Variants in CPT1A observed in about 807,000 individuals in gnomAD.
CPT1A encodes carnitine O-palmitoyltransferase 1, liver isoform.
Under a neutral mutation model 100.8 loss-of-function variants are expected in CPT1A, and 64 were observed. The observed-to-expected ratio is 0.63, with a 90% confidence interval of 0.52 to 0.78. CPT1A has a LOEUF of 0.78. Ranked by LOEUF, CPT1A falls within the 30% of genes least tolerant of loss-of-function variation. The pLI is 0.00. For missense variants in CPT1A, 802 were observed against 1,034.1 expected (o/e 0.78, Z 3.08); for synonymous variants, 363 against 396.0 (o/e 0.92, Z 0.99).
intron 7 of CPT1A, among the ~76,000 whole-genome samples, chr11:68,796,121 C>T (rs1855749679): frequency 6.6e-6 from 1 of 152,114 alleles, no homozygotes; most frequent in Non-Finnish European, 1.5e-5. Flanking sequence ...GATGCACACC[C>T]CTCTGGCGTC....
At chr11:68,803,897 G>T in intron 5 of CPT1A, 103 bp downstream of exon 5, 1 of 898,142 alleles carries the variant, frequency 1.1e-6, no homozygotes. Flanking sequence ...ACCGCTGAAG[G>T]CTACTTGAGC....
At chr11:68,837,037 G>A (rs1197935950) in intron 1 of CPT1A, among the ~76,000 whole-genome samples, 3 of 152,034 alleles carry the variant, frequency 2.0e-5, no homozygotes, top group Non-Finnish European at 2.9e-5. Context: ...TGACAGTTTT[G>A]TCTCTTCTCT....
chr11:68,794,285 G>A (rs1855697274), intron 8 of CPT1A, among the ~76,000 whole-genome samples: 1 of 152,240 alleles, frequency 6.6e-6, no homozygotes, highest in Admixed American at 6.5e-5. Flanking sequence ...GTGGGAGGGA[G>A]AGATGACAAA....
chr11:68,789,901 TA>T (rs916362576), intron 9 of CPT1A, among the ~76,000 whole-genome samples: 1 of 152,220 alleles, frequency 6.6e-6, no homozygotes, highest in African/African-American at 2.4e-5. Flanking sequence ...ATCTACCTTT[TA>T]AAACAGTTTG....
chr11:68,777,802 C>T (rs2153997389), intron 12 of CPT1A, among the ~76,000 whole-genome samples: 1 of 152,322 alleles, frequency 6.6e-6, no homozygotes, highest in South Asian at 2.1e-4. Flanking sequence ...CAAACAACAG[C>T]TCTTAGGCAT....
chr11:68,841,946 C>A (rs1408432778), upstream of CPT1A: 11 of 984,876 alleles, frequency 1.1e-5, no homozygotes, highest in African/African-American at 3.5e-5. The surrounding 1 kb of genome is among the most constrained non-coding windows in gnomAD (Gnocchi z 6.3). Context: ...GCGGCGCCTG[C>A]AGGCGGGTGA....
chr11:68,792,332 C>T (rs1376646884), intron 9 of CPT1A, among the ~76,000 whole-genome samples: 1 of 151,660 alleles, frequency 6.6e-6, no homozygotes, highest in African/African-American at 2.4e-5. Flanking sequence ...GCGAGACTCC[C>T]TCTAAAAAAA....
intron 12 of CPT1A, among the ~76,000 whole-genome samples, chr11:68,778,880 G>C (rs1390795913): frequency 6.6e-6 from 1 of 151,672 alleles, no homozygotes; most frequent in Non-Finnish European, 1.5e-5. Context: ...CTGCCTCCCG[G>C]GTTCACGCCA....
At chr11:68,761,031 AAAATAAAT>A (rs985289742) in intron 16 of CPT1A, among the ~76,000 whole-genome samples, 1 of 151,644 alleles carries the variant, frequency 6.6e-6, no homozygotes, top group Non-Finnish European at 1.5e-5. Context: ...CAAAAAATAA[AAAATAAAT>A]AAATAAATAA....
rs931099159 is a variant in CPT1A, at chr11:68,759,667, G to A, written c.2143-6C>T. 1 of 1,601,816 alleles carries A rather than the reference G, an allele frequency of 6.2e-7. No homozygotes were observed. Among genetic ancestry groups the A allele is most frequent in the Admixed American group, 1.7e-5 (1 of 59,978 alleles). ...CCATAGCCGTCATCAGCAACCTGGAGGACAAGGGAATTTGAATTTGTTGCT... is the reference window on the plus strand; with the variant it reads ...CCATAGCCGTCATCAGCAACCTGGAAGACAAGGGAATTTGAATTTGTTGCT... On this transcript the variant is annotated splice_region_variant and splice_polypyrimidine_tract_variant and intron_variant, in intron 17 of 18. Transcript: ENST00000265641.
rs1017955653 is a variant in CPT1A, at chr11:68,829,419, G to A, written c.-14+12356C>T. ...CCTGGTGGGAAAAGGTGGTGTCCCGGGGGACAAAGTTTACACAGCGTGACC... is the reference window on the plus strand; with the variant it reads ...CCTGGTGGGAAAAGGTGGTGTCCCGAGGGACAAAGTTTACACAGCGTGACC... On this transcript the variant is annotated intron_variant, in intron 1 of 18. Coordinates refer to ENST00000265641, the MANE Select transcript of CPT1A (RefSeq NM_001876.4). 2.0e-5 allele frequency among the ~76,000 whole-genome samples: 3 copies of A among 152,230 alleles called. No homozygotes were observed. In the East Asian group the frequency reaches 5.8e-4, roughly 29 times the overall value.
intron 14 of CPT1A, among the ~76,000 whole-genome samples, chr11:68,765,135 AC>A (rs1461956684): frequency 1.3e-5 from 2 of 152,258 alleles, no homozygotes; most frequent in Admixed American, 6.5e-5. Context: ...ATAGGCGCTC[AC>A]AATGAAGAAG....
At chr11:68,809,441 G>A (rs1049650758) in intron 3 of CPT1A, among the ~76,000 whole-genome samples, 2 of 152,188 alleles carry the variant, frequency 1.3e-5, no homozygotes, top group Admixed American at 1.3e-4. Flanking sequence ...TCCTTACAAG[G>A]CTGTCGGGGA....
intron 1 of CPT1A, among the ~76,000 whole-genome samples, chr11:68,835,430 T>G (rs1342706582): frequency 6.6e-6 from 1 of 152,366 alleles, no homozygotes; most frequent in South Asian, 2.1e-4. Flanking sequence ...TATAACAACT[T>G]GAACTTCTAA....
chr11:68,781,552 G>T (rs996701170), intron 11 of CPT1A, among the ~76,000 whole-genome samples: 2 of 152,134 alleles, frequency 1.3e-5, no homozygotes, highest in African/African-American at 4.8e-5. Context: ...CCTGGGAGGT[G>T]GAGGTTGCAG....
At chr11:68,805,621 A>C (rs73520856) in intron 4 of CPT1A, among the ~76,000 whole-genome samples, 8,069 of 152,088 alleles carry the variant, frequency 0.053, 703 homozygotes, top group African/African-American at 0.18. Flanking sequence ...GCAGAAGGGC[A>C]CCGGGGCCAA....
Position 68,840,994 on chromosome 11 carries a change from G to A in CPT1A, c.-14+781C>T, listed in dbSNP as rs77217177. Among the ~76,000 whole-genome samples, 162 of 152,352 alleles carry A rather than the reference G, an allele frequency of 1.1e-3. 2 individuals are homozygous for A. In the East Asian group the frequency reaches 0.025, roughly 23 times the overall value. ...AGAGGCTGCGGGGCGCTCCCAAGCAGGCACTGGGCCCGGCACCCTCATCCT... is the reference window on the plus strand; with the variant it reads ...AGAGGCTGCGGGGCGCTCCCAAGCAAGCACTGGGCCCGGCACCCTCATCCT... On this transcript the variant is annotated intron_variant, in intron 1 of 18. Coordinates refer to ENST00000265641, the MANE Select transcript of CPT1A (RefSeq NM_001876.4).
At chr11:68,792,253 C>T (rs987377853) in intron 9 of CPT1A, among the ~76,000 whole-genome samples, 5 of 152,114 alleles carry the variant, frequency 3.3e-5, no homozygotes, top group South Asian at 4.1e-4. Flanking sequence ...AGGAGAATGG[C>T]GTGAACTCGG....
At position 68,762,577 on chromosome 11, in the gene CPT1A, T is replaced by G. The variant is rs149346342; in HGVS notation, c.1875+50A>C. 6.1e-4 allele frequency: 974 copies of G among 1,608,674 alleles called. 12 individuals are homozygous for G. The South Asian group carries it at 6.9e-3, about 11-fold the overall frequency. ...TGGAGTGATGGCCTCCAGAAGCCTTTTAGGGAAGTGTGACAAGCACGTTGT... is the reference window on the plus strand; with the variant it reads ...TGGAGTGATGGCCTCCAGAAGCCTTGTAGGGAAGTGTGACAAGCACGTTGT... On this transcript the variant is annotated intron_variant, in intron 15 of 18. Coordinates refer to ENST00000265641, the MANE Select transcript of CPT1A (RefSeq NM_001876.4).
Sources: allele counts gnomAD v4.1 joint callset (sites outside exome capture counted in the v4.1 genomes callset), GRCh38; gene constraint gnomAD v4.1.1; non-coding constraint Gnocchi (gnomAD v3.1); transcripts MANE v1.5; gene names NCBI Gene and HGNC (gene_info 2026-07-23, HGNC 2026-07-21).